Variants in ACTA2 observed in about 807,000 individuals in gnomAD.
The protein encoded by ACTA2 is actin, aortic smooth muscle.
In ACTA2, 12 loss-of-function variants were observed where a neutral mutation model predicts 39.5. The ratio of observed to expected loss-of-function variants is 0.30; its 90% CI spans 0.19 to 0.49. The LOEUF is 0.49. Among genes scored for constraint, ACTA2 ranks in the 20% least tolerant of loss-of-function variants. The pLI, the probability that ACTA2 is intolerant of heterozygous loss-of-function variation, is 0.99. For synonymous variants in ACTA2, 158 were observed against 180.6 expected, an observed-to-expected ratio of 0.88 and a Z score of 1.00; for missense variants, 236 against 498.8, an observed-to-expected ratio of 0.47 and a Z score of 5.02.
At chr10:88,965,910 TG>T (rs1376627008) in intron 1 of ACTA2, among the ~76,000 whole-genome samples, 1 of 152,204 alleles carries the variant, frequency 6.6e-6, no homozygotes, top group Non-Finnish European at 1.5e-5. Context: ...GGTACACCAA[TG>T]TTTTTTTCCA....
chr10:88,990,400 A>C lies in ACTA2; in HGVS notation c.-24+539T>G. 2.3e-6 allele frequency: 1 copy of C among 437,720 alleles called. No individual in the cohort carries two copies. The highest frequency in any genetic ancestry group is 4.3e-6 in the Non-Finnish European group (1 of 230,062). 27.1% of individuals were successfully genotyped at this position (437,720 alleles called of 1,614,324 possible). On this transcript the variant is annotated intron_variant, in intron 1 of 4. Coordinates refer to the ACTA2 transcript ENST00000415557. The surrounding 1 kb of genome is among the most constrained non-coding windows in gnomAD (Gnocchi z 4.9). ...TGAACTACAGCAGAAGCCTTTAGAAAGGGCAGGAGGCCGGCTCTCGAGGTC... is the reference window on the plus strand; with the variant it reads ...TGAACTACAGCAGAAGCCTTTAGAACGGGCAGGAGGCCGGCTCTCGAGGTC...
chr10:88,939,258 T>G (rs949571209), intron 7 of ACTA2: 4 of 538,048 alleles, frequency 7.4e-6, no homozygotes, highest in Non-Finnish European at 1.3e-5. Context: ...CATTATTTAA[T>G]TCTTTCATCA....
At position 88,990,654 on chromosome 10, in the gene ACTA2, C is replaced by A. The variant is rs1323654965; in HGVS notation, c.-24+285G>T. 1.4e-6 allele frequency: 1 copy of A among 699,154 alleles called. No individual in the cohort carries two copies. The highest frequency in any genetic ancestry group is 2.6e-6 in the Non-Finnish European group (1 of 384,770). The allele number at this position is 699,154 out of a possible 1,614,324, so 43.3% of individuals were successfully genotyped here. A position where few individuals can be genotyped will look rare whatever the true frequency, so the allele number is the denominator to read the frequency against. ...CTTTTCGTGAGCTCGTCTCTGATCT[C>A]GCGCAAGAGTGACACACAGGTGTTC... On this transcript the variant is annotated intron_variant, in intron 1 of 4. Transcript: ENST00000415557. This position sits in a 1 kb window ranked among gnomAD's most constrained non-coding sequence, Gnocchi z 4.9.
intron 1 of ACTA2, among the ~76,000 whole-genome samples, chr10:88,958,838 C>T (rs534440617): frequency 5.7e-4 from 87 of 152,218 alleles, no homozygotes; most frequent in Middle Eastern, 3.4e-3. Context: ...GTGTACCCGA[C>T]GGGTTTCCTC....
intron 1 of ACTA2, among the ~76,000 whole-genome samples, chr10:88,987,208 A>G (rs1166163029): frequency 3.3e-5 from 5 of 152,232 alleles, no homozygotes; most frequent in Non-Finnish European, 7.3e-5. Flanking sequence ...AGTCTACAGA[A>G]TTGTTTAAGC....
At chr10:88,971,947 T>C (rs1247818279) in intron 1 of ACTA2, among the ~76,000 whole-genome samples, 1 of 151,718 alleles carries the variant, frequency 6.6e-6, no homozygotes, top group Non-Finnish European at 1.5e-5. Flanking sequence ...TCTTGCTCTG[T>C]CGCCAGGCTG....
At chr10:88,938,681 C>A (rs1393337814) in intron 7 of ACTA2, among the ~76,000 whole-genome samples, 1 of 97,140 alleles carries the variant, frequency 1.0e-5, no homozygotes, top group Non-Finnish European at 1.9e-5. Flanking sequence ...GAAACTTACT[C>A]TATTTTTTAT....
At chr10:88,972,802 T>A (rs578186233) in intron 1 of ACTA2, among the ~76,000 whole-genome samples, 1 of 152,234 alleles carries the variant, frequency 6.6e-6, no homozygotes, top group Non-Finnish European at 1.5e-5. Context: ...TCTAGTTAAC[T>A]ATATGTGCTA....
At chr10:88,951,675 A>C (rs959073992) in intron 1 of ACTA2, among the ~76,000 whole-genome samples, 17 of 152,144 alleles carry the variant, frequency 1.1e-4, no homozygotes, top group Admixed American at 1.1e-3. Context: ...AATTAGGTAA[A>C]ACACGCTCGA....
At chr10:88,953,909 G>A (rs1846092418), upstream of ACTA2, among the ~76,000 whole-genome samples, 3 of 152,128 alleles carry the variant, frequency 2.0e-5, no homozygotes, top group South Asian at 6.2e-4. Context: ...GCAGAACTGT[G>A]AGTAAATTAA....
At chr10:88,978,799 T>C (rs189590075) in intron 1 of ACTA2, among the ~76,000 whole-genome samples, 1 of 152,324 alleles carries the variant, frequency 6.6e-6, no homozygotes, top group Admixed American at 6.5e-5. Context: ...CCACGTCTAA[T>C]GGTAATTTCT....
chr10:88,948,970 G>A lies in ACTA2; in HGVS notation c.-23-17C>T, dbSNP rs1002755063. ...CACAGGATTCTATAGAAAACAGGGA[G>A]GAAGCAGCCTCAGCTGTAATTGGGC... On this transcript the variant is annotated splice_polypyrimidine_tract_variant and intron_variant, in intron 1 of 8. Coordinates refer to ENST00000224784, the MANE Select transcript of ACTA2 (RefSeq NM_001613.4). 1.9e-6 allele frequency: 3 copies of A among 1,612,578 alleles called. No individual in the cohort carries two copies. Among genetic ancestry groups the A allele is most frequent in the Middle Eastern group, 3.4e-4 (2 of 5,854 alleles).
intron 1 of ACTA2, among the ~76,000 whole-genome samples, chr10:88,985,844 G>T (rs1447909061): frequency 6.6e-6 from 1 of 152,210 alleles, no homozygotes; most frequent in Non-Finnish European, 1.5e-5. Flanking sequence ...TAGAGAGAAA[G>T]CGCTGCCATG....
intron 1 of ACTA2, among the ~76,000 whole-genome samples, chr10:88,979,803 G>A (rs1278885531): frequency 1.3e-5 from 2 of 152,152 alleles, no homozygotes; most frequent in Non-Finnish European, 2.9e-5. Context: ...AATGCCAGGA[G>A]GATCCAGAGA....
At chr10:88,955,497 T>C (rs1846123261), upstream of ACTA2, among the ~76,000 whole-genome samples, 1 of 152,236 alleles carries the variant, frequency 6.6e-6, no homozygotes, top group Non-Finnish European at 1.5e-5. Flanking sequence ...AGATAGCCCA[T>C]GAAGACAAAG....
intron 1 of ACTA2, among the ~76,000 whole-genome samples, chr10:88,962,908 GC>G (rs751814100): frequency 9.0e-6 from 1 of 110,772 alleles, no homozygotes; most frequent in African/African-American, 2.9e-5. Context: ...GCAGGGGAAT[GC>G]CCCATATATA....
At chr10:88,976,761 C>T (rs1308561173) in intron 1 of ACTA2, among the ~76,000 whole-genome samples, 1 of 152,150 alleles carries the variant, frequency 6.6e-6, no homozygotes, top group Non-Finnish European at 1.5e-5. Flanking sequence ...AACAGAATTT[C>T]TTGAAAGTAT....
chr10:88,988,879 C>T (rs1400889188), intron 1 of ACTA2, among the ~76,000 whole-genome samples: 1 of 152,084 alleles, frequency 6.6e-6, no homozygotes, highest in African/African-American at 2.4e-5. Flanking sequence ...ATTAAAGTAA[C>T]CCAGAATTTT....
exon 1 of ACTA2, chr10:88,991,042 CGGGAGG>C (rs1192069980): frequency 8.1e-7 from 1 of 1,227,774 alleles, no homozygotes; most frequent in African/African-American, 1.5e-5. Flanking sequence ...CGGGCTGCTG[CGGGAGG>C]CGTTGGAGAC....
Sources: gnomAD v4.1 joint callset for allele counts (sites outside exome capture counted in the v4.1 genomes callset) on GRCh38, gnomAD v4.1.1 for gene constraint, Gnocchi (gnomAD v3.1) non-coding constraint, MANE v1.5 for transcripts, NCBI Gene and HGNC (gene_info 2026-07-23, HGNC 2026-07-21) for gene names.